ABI3BP: variants seen among roughly 807,000 people sequenced by gnomAD.
ABI3BP encodes target of Nesh-SH3.
ABI3BP carries 216 observed loss-of-function variants against 268.6 expected under a neutral mutation model. The observed-to-expected ratio is 0.80, with a 90% CI of 0.72 to 0.90. ABI3BP has a LOEUF of 0.90. ABI3BP is among the 40% of genes least tolerant of loss of function. The pLI is 0.00. For synonymous variants in ABI3BP, 730 were observed against 730.0 expected (o/e 1.00, Z 0.00); for missense variants, 2,090 against 2,182.4 (o/e 0.96, Z 0.84).
chr3:100,811,764 T>C lies in ABI3BP; in HGVS notation c.3457A>G (p.Lys1153Glu). Residue 1153 changes from lysine (K) to glutamate (E), a missense_variant, in exon 47 of 68, where the codon AAA (lysine) becomes GAA (glutamate). Transcript: ENST00000471714. The stretch of plus-strand genomic sequence containing the variant: ...GGCTCCTCTGGCCAGAGTGGTGCTT[T>C]GGCAGTGGGATATACATAGTCTGTT... ...AKTDYVYPTA[K>E]APLWPEEPKT... is the part of the protein sequence containing the mutation. The C allele has an allele frequency of 6.5e-7, 1 of 1,535,564 alleles. No homozygotes were observed. The highest frequency in any genetic ancestry group is 8.7e-7 in the Non-Finnish European group (1 of 1,146,510).
rs1438320502 is a variant in ABI3BP at position 100,880,826 on chromosome 3, A to G, written c.697-4266T>C. Reference sequence around the variant, plus strand: ...GTAATAAAGTTAGTGATAACTAAGGATGTTATTTTTTGTAGGTTTGTCCAT... The same window carrying G: ...GTAATAAAGTTAGTGATAACTAAGGGTGTTATTTTTTGTAGGTTTGTCCAT... On this transcript the variant is annotated intron_variant, in intron 6 of 67. Coordinates refer to ENST00000471714, the MANE Select transcript of ABI3BP (RefSeq NM_001375547.2). Among the ~76,000 whole-genome samples the G allele has an allele frequency of 3.3e-5, 5 of 152,278 alleles. No individual in the cohort carries two copies. The East Asian group carries it at 9.6e-4, about 29-fold the overall frequency.
At chr3:100,757,314 GAATAA>G (rs1263905813) in intron 63 of ABI3BP, among the ~76,000 whole-genome samples, 3 of 130,434 alleles carry the variant, frequency 2.3e-5, no homozygotes, top group African/African-American at 7.8e-5. Flanking sequence ...CCAGCAAAAT[GAATAA>G]AAGAAAAAGG....
intron 31 of ABI3BP, among the ~76,000 whole-genome samples, chr3:100,831,806 G>A (rs9840549): frequency 0.46 from 69,260 of 151,996 alleles, 16,933 homozygotes; most frequent in African/African-American, 0.65. Context: ...TGGCATTTAT[G>A]CAATGCAATA....
intron 51 of ABI3BP, among the ~76,000 whole-genome samples, 177 bp downstream of exon 51, chr3:100,804,615 T>C (rs1285532478): frequency 6.6e-6 from 1 of 152,172 alleles, no homozygotes; most frequent in African/African-American, 2.4e-5. Flanking sequence ...ACAGCTTTAC[T>C]AGATGAACCA....
intron 64 of ABI3BP, 37 bp downstream of exon 64, chr3:100,754,575 T>G (rs1576558292): frequency 6.5e-7 from 1 of 1,540,752 alleles, no homozygotes; most frequent in Non-Finnish European, 8.8e-7. Context: ...TGTGGCCCTT[T>G]TACATCCTTT....
At position 100,838,296 on chromosome 3, in the gene ABI3BP, T is replaced by G; in HGVS notation, c.2009-12A>C. 1 of 1,535,526 alleles carries G rather than the reference T, an allele frequency of 6.5e-7. No homozygotes were observed. Among genetic ancestry groups the G allele is most frequent in the South Asian group, 1.2e-5 (1 of 84,036 alleles). ...TGGTGGTTTTGAACCTGAAGAAAATTAGAGTGCCATAATTAGTGTTACGGC... is the reference window on the plus strand; with the variant it reads ...TGGTGGTTTTGAACCTGAAGAAAATGAGAGTGCCATAATTAGTGTTACGGC... On this transcript the variant is annotated splice_polypyrimidine_tract_variant and intron_variant, in intron 25 of 67. Transcript: ENST00000471714.
At chr3:100,969,442 G>A (rs934160331) in intron 1 of ABI3BP, among the ~76,000 whole-genome samples, 1 of 152,130 alleles carries the variant, frequency 6.6e-6, no homozygotes, top group African/African-American at 2.4e-5. Context: ...CAAGAGCCAA[G>A]TACTAAAGGG....
intron 14 of ABI3BP, among the ~76,000 whole-genome samples, chr3:100,858,392 C>T (rs966933455): frequency 5.3e-5 from 8 of 152,162 alleles, no homozygotes; most frequent in African/African-American, 1.9e-4. Context: ...GACTACACAT[C>T]TCAGATTTCC....
chr3:100,860,562 C>T (rs1214679136), intron 14 of ABI3BP, among the ~76,000 whole-genome samples: 3 of 152,164 alleles, frequency 2.0e-5, no homozygotes, highest in African/African-American at 4.8e-5. Flanking sequence ...CATCTATTTT[C>T]GTCTCATTGT....
chr3:100,850,661 C>T lies in ABI3BP; in HGVS notation c.1425G>A (p.Leu475=). Residue 475 remains leucine, a splice_region_variant and synonymous_variant, in exon 16 of 68, where the codon CTG becomes CTA. Transcript: ENST00000471714. ...SRTLEQPRAT[L]APSETPFVPQ... ...TGATTTTTCTGTTAAAAACATTACC[C>T]AGTGTTGCCCTTGGCTGTTCAAGAG... 1 of 1,606,620 alleles carries T rather than the reference C, an allele frequency of 6.2e-7. No individual in the cohort carries two copies. The highest frequency in any genetic ancestry group is 8.5e-7 in the Non-Finnish European group (1 of 1,174,124).
At chr3:100,925,864 AT>A (rs1561723546) in intron 2 of ABI3BP, among the ~76,000 whole-genome samples, 1 of 206 alleles carries the variant, frequency 4.9e-3, no homozygotes, top group East Asian at 0.071. Context: ...AAAAACTTTA[AT>A]CTTTTTTCTC....
At chr3:100,924,976 T>C (rs560072441) in intron 2 of ABI3BP, among the ~76,000 whole-genome samples, 9 of 152,324 alleles carry the variant, frequency 5.9e-5, no homozygotes, top group African/African-American at 2.2e-4. Context: ...TCACTTTTTA[T>C]ACTAAAAATT....
At chr3:100,784,433 A>G (rs2096963554) in intron 57 of ABI3BP, among the ~76,000 whole-genome samples, 1 of 152,174 alleles carries the variant, frequency 6.6e-6, no homozygotes, top group South Asian at 2.1e-4. Context: ...GCTGGTGGGA[A>G]TGTAAATTAG....
chr3:100,863,958 A>T, intron 12 of ABI3BP, 44 bp downstream of exon 12: 1 of 1,327,026 alleles, frequency 7.5e-7, no homozygotes, highest in Non-Finnish European at 1.0e-6. Context: ...CATGCATACA[A>T]TATCCAAGGT....
At chr3:100,860,039 C>T (rs912543396) in intron 14 of ABI3BP, among the ~76,000 whole-genome samples, 1 of 152,174 alleles carries the variant, frequency 6.6e-6, no homozygotes, top group African/African-American at 2.4e-5. Context: ...ACCCATCGCA[C>T]TCCAGCCTGG....
In ABI3BP at chr3:100,752,924, T is replaced by G. The variant is rs1559787616; in HGVS notation, c.4985A>C (p.Glu1662Ala). 1 of 1,613,082 alleles carries G rather than the reference T, an allele frequency of 6.2e-7. No individual in the cohort carries two copies. Among genetic ancestry groups the G allele is most frequent in the Non-Finnish European group, 8.5e-7 (1 of 1,179,552 alleles). Residue 1662 changes from glutamate to alanine, a missense_variant, in exon 66 of 68, where the codon GAA becomes GCA. Transcript: ENST00000471714. ...GTAAGAGTCTGAATTAAAGGGTCTT[T>G]CAGTCCAGATGGCATCTCTTCCTGC... is the stretch of plus-strand genomic sequence containing the variant. Reference protein sequence around the residue: ...VSAGRDAIWTERPFNSDSYSE... With the variant: ...VSAGRDAIWTARPFNSDSYSE...
rs1324688430 is a variant in ABI3BP at position 100,864,089 on chromosome 3, A to G, written c.1064-13T>C. On this transcript the variant is annotated splice_polypyrimidine_tract_variant and intron_variant, in intron 11 of 67. Coordinates refer to ENST00000471714, the MANE Select transcript of ABI3BP (RefSeq NM_001375547.2). ...CTTTTGCTGAGAACTACAATAAAAA[A>G]GAGTGCAGTTAGCAACTCCTGGACT... The G allele has an allele frequency of 6.6e-7, 1 of 1,525,112 alleles. No individual in the cohort carries two copies. The highest frequency in any genetic ancestry group is 8.8e-7 in the Non-Finnish European group (1 of 1,136,822). 94.5% of individuals were successfully genotyped at this position (1,525,112 alleles called of 1,614,324 possible).
chr3:100,961,408 C>T (rs2079047182), intron 1 of ABI3BP, among the ~76,000 whole-genome samples: 2 of 152,054 alleles, frequency 1.3e-5, no homozygotes, highest in Admixed American at 6.5e-5. Flanking sequence ...CCGCAATAAA[C>T]CCTATTCAAA....
intron 14 of ABI3BP, among the ~76,000 whole-genome samples, chr3:100,856,839 T>C (rs1477215040): frequency 6.6e-6 from 1 of 152,192 alleles, no homozygotes; most frequent in African/African-American, 2.4e-5. Context: ...GATAAATACA[T>C]GGCATTTATG....
Sources: gnomAD v4.1 joint callset for allele counts (sites outside exome capture counted in the v4.1 genomes callset) on GRCh38, gnomAD v4.1.1 for gene constraint, MANE v1.5 for transcripts, NCBI Gene and HGNC (gene_info 2026-07-23, HGNC 2026-07-21) for gene names.